The following TMEM154 variants were observed in gnomAD, a reference collection of about 807,000 sequenced individuals.
TMEM154 encodes the protein transmembrane protein 154.
Under a neutral mutation model 24.5 loss-of-function variants are expected in TMEM154, and 27 were observed. The ratio of observed to expected loss-of-function variants is 1.10; its 90% CI spans 0.81 to 1.52. The LOEUF is 1.52. Among genes scored for constraint, TMEM154 ranks in the 40% most tolerant of loss-of-function variants. The pLI is 0.00. For missense variants in TMEM154, 228 were observed against 213.4 expected (o/e 1.07, Z -0.43); for synonymous variants, 67 against 76.8 (o/e 0.87, Z 0.67).
intron 6 of TMEM154, 34 bp from the exon 7 acceptor site, chr4:152,628,595 AAAAAAAC>A: frequency 1.9e-5 from 22 of 1,174,724 alleles, no homozygotes; most frequent in Non-Finnish European, 2.4e-5. Context: ...AAAAAAAACA[AAAAAAAC>A]ACACACACAC....
At chr4:152,637,275 G>C (rs1454684625) in intron 6 of TMEM154, among the ~76,000 whole-genome samples, 1 of 152,250 alleles carries the variant, frequency 6.6e-6, no homozygotes, top group Non-Finnish European at 1.5e-5. Context: ...GCCGGGTGCG[G>C]TGTCTCACGC....
intron 4 of TMEM154, 31 bp downstream of exon 4, chr4:152,644,384 A>C: frequency 2.5e-6 from 4 of 1,613,466 alleles, no homozygotes; most frequent in Non-Finnish European, 3.4e-6. Flanking sequence ...TTCACACCCC[A>C]GGTGGATCAG....
rs148564041 is a variant in TMEM154 at position 152,653,681 on chromosome 4, C to T, written c.65-754G>A. Among the ~76,000 whole-genome samples, 473 of 151,882 alleles carry T rather than the reference C, an allele frequency of 3.1e-3. 1 individual carries two copies. Among genetic ancestry groups the T allele is most frequent in the Middle Eastern group, 0.031 (9 of 294 alleles). ...CTAGAATTGCAGGTGTGAGCCACTG[C>T]GCCTGTCTGTGTCCTAATATTTAAA... On this transcript the variant is annotated intron_variant, in intron 1 of 6. Coordinates refer to ENST00000304385, the MANE Select transcript of TMEM154 (RefSeq NM_152680.3).
At position 152,627,475 on chromosome 4, in the gene TMEM154, C is replaced by G. The variant is rs1196668083; in HGVS notation, c.*1071G>C. 1 of 152,156 alleles carries G rather than the reference C, an allele frequency of 6.6e-6. No homozygotes were observed. The allele number at this position is 152,156 out of a possible 1,614,324, so 9.4% of individuals were successfully genotyped here. On this transcript the variant is annotated 3_prime_UTR_variant, in exon 7 of 7. Transcript: ENST00000304385. ...TAGGTGTGGTCAATAGGCCCTTTTC[C>G]ATTTTGTGCCATTGCTTTTAGCACA...
intron 1 of TMEM154, among the ~76,000 whole-genome samples, chr4:152,665,672 G>A (rs561503975): frequency 4.9e-4 from 75 of 152,174 alleles, no homozygotes; most frequent in Middle Eastern, 3.4e-3. Flanking sequence ...TAAGACAGCG[G>A]TCCTCAAACC....
intron 1 of TMEM154, among the ~76,000 whole-genome samples, chr4:152,677,917 T>A (rs1160195466): frequency 6.6e-6 from 1 of 152,124 alleles, no homozygotes; most frequent in Non-Finnish European, 1.5e-5. Flanking sequence ...TCACAGCCAG[T>A]TGGGAGGCAT....
chr4:152,664,553 C>G (rs2149788523), intron 1 of TMEM154, among the ~76,000 whole-genome samples: 1 of 152,164 alleles, frequency 6.6e-6, no homozygotes, highest in Middle Eastern at 3.4e-3. Context: ...TTAATAAACA[C>G]AAAAATATGT....
At chr4:152,642,166 G>T (rs537899468) in intron 5 of TMEM154, among the ~76,000 whole-genome samples, 2 of 151,626 alleles carry the variant, frequency 1.3e-5, no homozygotes, top group East Asian at 1.9e-4. Flanking sequence ...TTATCCACCC[G>T]CCTCGGCCTC....
rs1011082239 is a variant in TMEM154 at position 152,620,702 on chromosome 4, T to C, written c.*7844A>G. On this transcript the variant is annotated 3_prime_UTR_variant, in exon 7 of 7. Transcript: ENST00000304385. ...TTTAGTTGAGACGGGGGTTTCACCA[T>C]GTTGGCCAGGCTGGTCTCAAACTCC... 3 of 152,226 alleles carry C rather than the reference T, an allele frequency of 2.0e-5. No homozygotes were observed. Among genetic ancestry groups the C allele is most frequent in the African/African-American group, 7.2e-5 (3 of 41,422 alleles). The allele number at this position is 152,226 out of a possible 1,614,324, so 9.4% of individuals were successfully genotyped here.
chr4:152,652,450 T>C (rs1275675957), intron 3 of TMEM154, 88 bp downstream of exon 3: 2 of 1,583,526 alleles, frequency 1.3e-6, no homozygotes, highest in East Asian at 2.2e-5. Flanking sequence ...TACTATTATA[T>C]GTAGTCCTTG....
intron 6 of TMEM154, among the ~76,000 whole-genome samples, chr4:152,630,103 C>T (rs1242708708): frequency 6.6e-6 from 1 of 151,838 alleles, no homozygotes. Flanking sequence ...TGCTTGAGTC[C>T]AGGAGTTTGA....
intron 6 of TMEM154, among the ~76,000 whole-genome samples, chr4:152,636,602 G>C (rs1752153152): frequency 6.6e-6 from 1 of 152,202 alleles, no homozygotes; most frequent in South Asian, 2.1e-4. Context: ...AACAAGACTG[G>C]CCAATGAGAC....
chr4:152,647,248 C>T (rs1728271233), intron 3 of TMEM154: 1 of 985,066 alleles, frequency 1.0e-6, no homozygotes, highest in African/African-American at 1.7e-5. Context: ...TGCAGGTGTC[C>T]ATGCTCTCCT....
intron 6 of TMEM154, among the ~76,000 whole-genome samples, chr4:152,629,444 G>A (rs1030004057): frequency 6.6e-6 from 1 of 152,192 alleles, no homozygotes; most frequent in Non-Finnish European, 1.5e-5. Flanking sequence ...CCATGCTGTT[G>A]GCTAATTTGG....
intron 3 of TMEM154, chr4:152,647,450 G>T: frequency 2.1e-6 from 1 of 477,452 alleles, no homozygotes; most frequent in Non-Finnish European, 2.7e-6. Context: ...TTAAAGCATT[G>T]GCTGATAAGA....
At chr4:152,655,119 A>G (rs1728464610) in intron 1 of TMEM154, among the ~76,000 whole-genome samples, 1 of 152,246 alleles carries the variant, frequency 6.6e-6, no homozygotes, top group Non-Finnish European at 1.5e-5. Flanking sequence ...ACAAAAAATA[A>G]CAAAAATACT....
At chr4:152,641,732 A>C (rs1228427370) in intron 5 of TMEM154, among the ~76,000 whole-genome samples, 1 of 149,462 alleles carries the variant, frequency 6.7e-6, no homozygotes, top group African/African-American at 2.5e-5. Context: ...ACTGAAAAAC[A>C]ACAAAACGAG....
Position 152,628,251 on chromosome 4 carries a change from A to G in TMEM154, c.*295T>C. On this transcript the variant is annotated 3_prime_UTR_variant, in exon 7 of 7. Transcript: ENST00000304385. ...TTCAGTGAGCTAGAAGTTGGCTGAG[A>G]GGAGGCAACACATGTTGATCAGAAG... The G allele has an allele frequency of 2.0e-6, 1 of 488,464 alleles. No individual in the cohort carries two copies. The highest frequency in any genetic ancestry group is 3.6e-6 in the Non-Finnish European group (1 of 277,886). 30.3% of individuals were successfully genotyped at this position (488,464 alleles called of 1,614,324 possible).
intron 6 of TMEM154, among the ~76,000 whole-genome samples, chr4:152,638,500 G>A (rs1170276894): frequency 6.6e-6 from 1 of 152,170 alleles, no homozygotes; most frequent in Non-Finnish European, 1.5e-5. Context: ...TAGGATACAG[G>A]CTTAGGATAA....
Sources: allele counts gnomAD v4.1 joint callset (sites outside exome capture counted in the v4.1 genomes callset), GRCh38; gene constraint gnomAD v4.1.1; transcripts MANE v1.5; gene names NCBI Gene and HGNC (gene_info 2026-07-23, HGNC 2026-07-21).